TRIQK: variants seen among roughly 807,000 people sequenced by gnomAD.
The protein encoded by TRIQK is triple QxxK/R motif containing, also known as triple QxxK/R motif-containing protein.
Under a neutral mutation model 10.8 loss-of-function variants are expected in TRIQK, and 10 were observed. The ratio of observed to expected loss-of-function variants is 0.92; its 90% confidence interval spans 0.57 to 1.57. The LOEUF (loss-of-function observed/expected upper bound fraction) is 1.57. TRIQK is among the 40% of genes most tolerant of loss of function. The probability of loss-of-function intolerance (pLI) is 0.00; values close to 1 mark genes in which losing one functional copy is unlikely to be tolerated. For synonymous variants in TRIQK, 33 were observed against 33.7 expected (o/e 0.98, Z 0.07); for missense variants, 107 against 97.7 (o/e 1.09, Z -0.40).
chr8:92,900,700 T>G (rs1732424432), intron 3 of TRIQK, among the ~76,000 whole-genome samples: 1 of 152,164 alleles, frequency 6.6e-6, no homozygotes, highest in Admixed American at 6.6e-5. Flanking sequence ...TTCTTTTTGC[T>G]CAGGATGGCT....
chr8:92,977,373 T>C (rs533226400), intron 1 of TRIQK, among the ~76,000 whole-genome samples: 1 of 152,090 alleles, frequency 6.6e-6, no homozygotes, highest in African/African-American at 2.4e-5. Context: ...TTTTTTTCTC[T>C]CTGTATATAA....
intron 3 of TRIQK, among the ~76,000 whole-genome samples, 198 bp downstream of exon 3, chr8:92,916,731 C>G (rs1809871371): frequency 6.6e-6 from 1 of 151,820 alleles, no homozygotes; most frequent in Non-Finnish European, 1.5e-5. Flanking sequence ...ACTGAAAAAT[C>G]GTAAGTACAT....
intron 2 of TRIQK, among the ~76,000 whole-genome samples, chr8:92,948,402 T>C (rs909278283): frequency 1.3e-5 from 2 of 152,144 alleles, no homozygotes; most frequent in Non-Finnish European, 2.9e-5. Context: ...AAATGATCAT[T>C]TTACAGCAAT....
chr8:92,909,613 A>G (rs1296384080), intron 3 of TRIQK, among the ~76,000 whole-genome samples: 1 of 151,822 alleles, frequency 6.6e-6, no homozygotes, highest in Middle Eastern at 3.2e-3. Flanking sequence ...ATCATTTAAC[A>G]CCACATTAAG....
At chr8:93,017,026 T>C (rs1259992850) in intron 1 of TRIQK, among the ~76,000 whole-genome samples, 1 of 151,772 alleles carries the variant, frequency 6.6e-6, no homozygotes, top group Admixed American at 6.6e-5. Context: ...ATATGTCACA[T>C]GAAACATTTA....
chr8:92,958,835 T>G (rs550449331), intron 1 of TRIQK, among the ~76,000 whole-genome samples: 1 of 152,148 alleles, frequency 6.6e-6, no homozygotes, highest in African/African-American at 2.4e-5. Context: ...TATAACAATG[T>G]GACTATGATT....
intron 1 of TRIQK, among the ~76,000 whole-genome samples, chr8:92,986,305 G>A (rs1813029610): frequency 6.6e-6 from 1 of 151,440 alleles, no homozygotes; most frequent in African/African-American, 2.4e-5. Context: ...ATATTGTTTT[G>A]TGACTAACAA....
intron 4 of TRIQK, among the ~76,000 whole-genome samples, chr8:92,887,851 T>C (rs1446350803): frequency 1.3e-5 from 2 of 151,694 alleles, no homozygotes; most frequent in Admixed American, 6.6e-5. Flanking sequence ...AGCTTCATAA[T>C]TACATTTATT....
At chr8:92,895,028 T>C (rs150187698) in intron 3 of TRIQK, among the ~76,000 whole-genome samples, 1 of 152,034 alleles carries the variant, frequency 6.6e-6, no homozygotes, top group Non-Finnish European at 1.5e-5. Flanking sequence ...AAGAGGAGAG[T>C]GGATCATAAG....
chr8:92,965,013 T>G (rs1812662531), intron 1 of TRIQK: 1 of 152,180 alleles, frequency 6.6e-6, no homozygotes, highest in Non-Finnish European at 1.5e-5. Flanking sequence ...CTGGAATGTT[T>G]GTTGTGCTGA....
chr8:92,910,295 TTTA>T lies in TRIQK; in HGVS notation c.61+6631_61+6633del, dbSNP rs1056649373. Among the ~76,000 whole-genome samples the T allele has an allele frequency of 1.7e-3, 258 of 151,364 alleles. 1 individual carries two copies. The highest frequency in any genetic ancestry group is 5.7e-3 in the African/African-American group (237 of 41,482). On this transcript the variant is annotated intron_variant, in intron 3 of 4. Transcript: ENST00000521988. ...AAGTTAAATAAGGATATTAATATAC[TTTA>T]TTAAGTCAACTATGAAAACTTGAGA... is the stretch of plus-strand genomic sequence containing the variant.
At chr8:92,979,356 A>C (rs1255616845) in intron 1 of TRIQK, among the ~76,000 whole-genome samples, 1 of 152,062 alleles carries the variant, frequency 6.6e-6, no homozygotes, top group African/African-American at 2.4e-5. Flanking sequence ...TATCCTTTCA[A>C]ATTTTTTCAT....
chr8:92,907,236 A>G (rs1809322495), intron 3 of TRIQK, among the ~76,000 whole-genome samples: 2 of 152,180 alleles, frequency 1.3e-5, no homozygotes, highest in African/African-American at 2.4e-5. Context: ...CTCACATCCT[A>G]TAAAACTAAG....
At chr8:92,922,453 A>G (rs1810237694) in intron 2 of TRIQK, 3 of 151,714 alleles carry the variant, frequency 2.0e-5, no homozygotes, top group Admixed American at 2.0e-4. Context: ...GCCTTTACAG[A>G]CTATGCTTAA....
At chr8:92,985,022 T>G (rs1357840034) in intron 1 of TRIQK, among the ~76,000 whole-genome samples, 1 of 152,220 alleles carries the variant, frequency 6.6e-6, no homozygotes, top group African/African-American at 2.4e-5. Flanking sequence ...TAGCCTTTGA[T>G]GTTTCTAAAG....
chr8:92,941,307 C>T (rs1172498154), intron 2 of TRIQK: 3 of 152,086 alleles, frequency 2.0e-5, no homozygotes, highest in African/African-American at 7.2e-5. Context: ...GAACTTCTGA[C>T]CTCAGGTGAT....
chr8:93,017,562 T>C (rs1261915696), intron 1 of TRIQK: 1 of 152,152 alleles, frequency 6.6e-6, no homozygotes, highest in Admixed American at 6.5e-5. Context: ...TGTTTGCAGA[T>C]AAGGAGACGC....
chr8:92,939,580 C>T (rs1379676743), intron 2 of TRIQK, among the ~76,000 whole-genome samples: 2 of 152,052 alleles, frequency 1.3e-5, no homozygotes, highest in Non-Finnish European at 2.9e-5. Context: ...TACAACCTCC[C>T]CAGGCAAAGA....
intron 1 of TRIQK, among the ~76,000 whole-genome samples, chr8:93,011,203 C>CATATATAT (rs201058784): frequency 1.7e-3 from 158 of 92,350 alleles, no homozygotes; most frequent in Non-Finnish European, 2.3e-3. Context: ...CACACACACA[C>CATATATAT]ACATATATAT....
Sources: allele counts gnomAD v4.1 joint callset (sites outside exome capture counted in the v4.1 genomes callset), GRCh38; gene constraint gnomAD v4.1.1; transcripts MANE v1.5; gene names NCBI Gene and HGNC (gene_info 2026-07-23, HGNC 2026-07-21).